The following PROM1 variants were observed in gnomAD, a reference collection of about 807,000 sequenced individuals.
PROM1 encodes the protein prominin 1.
In PROM1, 105 loss-of-function variants were observed where a neutral mutation model predicts 116.9. The ratio of observed to expected loss-of-function variants is 0.90; its 90% CI spans 0.77 to 1.06. PROM1 has a LOEUF of 1.06. PROM1 is among the 50% of genes least tolerant of loss of function. The probability of loss-of-function intolerance (pLI) is 0.00; values close to 1 mark genes in which losing one functional copy is unlikely to be tolerated. For synonymous variants in PROM1, 393 were observed against 387.0 expected (o/e 1.02, Z -0.18); for missense variants, 1,122 against 1,045.2 (o/e 1.07, Z -1.01).
At chr4:16,073,656 A>G (rs951086193) in intron 2 of PROM1, among the ~76,000 whole-genome samples, 4 of 152,108 alleles carry the variant, frequency 2.6e-5, no homozygotes, top group Non-Finnish European at 5.9e-5. Context: ...TTGAAAGTTG[A>G]GAATTTCCTT....
At chr4:16,077,356 G>A (rs1223141223) in intron 1 of PROM1, among the ~76,000 whole-genome samples, 1 of 152,158 alleles carries the variant, frequency 6.6e-6, no homozygotes, top group African/African-American at 2.4e-5. Flanking sequence ...TGTCTATGAT[G>A]CAGAAACCTT....
chr4:16,051,700 G>C (rs1358688055), intron 2 of PROM1, among the ~76,000 whole-genome samples: 1 of 152,164 alleles, frequency 6.6e-6, no homozygotes, highest in East Asian at 1.9e-4. Flanking sequence ...GCCTGGTCAG[G>C]TGGTCAAGAC....
intron 2 of PROM1, among the ~76,000 whole-genome samples, chr4:16,040,902 A>T (rs566670189): frequency 1.3e-5 from 2 of 152,170 alleles, no homozygotes; most frequent in Non-Finnish European, 2.9e-5. Context: ...CCCTTACAAA[A>T]CAAAAGCAAA....
At chr4:15,969,689 C>T (rs1713910049) in intron 27 of PROM1, among the ~76,000 whole-genome samples, 1 of 152,108 alleles carries the variant, frequency 6.6e-6, no homozygotes, top group Admixed American at 6.5e-5. Flanking sequence ...CGGGTTTAAG[C>T]CTCAGCCTCC....
At chr4:16,003,386 C>T (rs954451404) in intron 13 of PROM1, 1 of 456,632 alleles carries the variant, frequency 2.2e-6, no homozygotes, top group African/African-American at 2.0e-5. Flanking sequence ...CGGCAAAGAG[C>T]ATCATGGTCT....
intron 26 of PROM1, among the ~76,000 whole-genome samples, chr4:15,972,727 T>C (rs1714911855): frequency 6.6e-6 from 1 of 152,180 alleles, no homozygotes; most frequent in Admixed American, 6.5e-5. Flanking sequence ...CTCTGAATGA[T>C]AACTTCCTGG....
intron 12 of PROM1, among the ~76,000 whole-genome samples, chr4:16,007,697 G>T (rs1725870760): frequency 6.6e-6 from 1 of 152,198 alleles, no homozygotes; most frequent in Non-Finnish European, 1.5e-5. Context: ...GGGGGAAAAG[G>T]AAGGGAGATG....
intron 2 of PROM1, among the ~76,000 whole-genome samples, chr4:16,066,658 G>A (rs1276193615): frequency 3.3e-5 from 5 of 152,112 alleles, no homozygotes; most frequent in African/African-American, 9.7e-5. Flanking sequence ...ACACTTTCCC[G>A]CCACTTCTCT....
intron 5 of PROM1, 123 bp from the exon 6 acceptor site, chr4:16,025,435 C>A: frequency 8.3e-7 from 1 of 1,198,796 alleles, no homozygotes. Context: ...TTTCCTCTCC[C>A]GCTGCCCTCT....
At position 16,053,863 on chromosome 4, in the gene PROM1, T is replaced by C. The variant is rs117918546; in HGVS notation, c.221-14862A>G. 8.2e-3 allele frequency among the ~76,000 whole-genome samples: 1,256 copies of C among 152,258 alleles called. 34 individuals carry two copies. The highest frequency in any genetic ancestry group is 0.051 in the East Asian group (262 of 5,164). On this transcript the variant is annotated intron_variant, in intron 2 of 27. Transcript: ENST00000447510. ...TAATCCCAGCACTCTGGGAGGCCAA[T>C]GCTGGTAGATCACTTGAGGTCAGGA...
intron 2 of PROM1, among the ~76,000 whole-genome samples, chr4:16,039,692 C>T (rs977547371): frequency 7.4e-5 from 11 of 149,552 alleles, no homozygotes; most frequent in Non-Finnish European, 1.2e-4. Context: ...GAGCCGAAAT[C>T]GCGCCACTGC....
chr4:15,976,885 G>C (rs904658886), intron 26 of PROM1, among the ~76,000 whole-genome samples: 1 of 152,170 alleles, frequency 6.6e-6, no homozygotes, highest in Admixed American at 6.5e-5. Flanking sequence ...AGCTGTCAGA[G>C]CCTACCACTC....
At chr4:16,082,361 C>A (rs1175226866) in intron 1 of PROM1, among the ~76,000 whole-genome samples, 1 of 152,112 alleles carries the variant, frequency 6.6e-6, no homozygotes, top group Non-Finnish European at 1.5e-5. Flanking sequence ...TCGGGGGGCA[C>A]TCAAGAACTA....
chr4:16,068,901 A>T (rs1390195789), intron 2 of PROM1, among the ~76,000 whole-genome samples: 1 of 152,092 alleles, frequency 6.6e-6, no homozygotes, highest in Non-Finnish European at 1.5e-5. Flanking sequence ...CACCTAAAAT[A>T]TTTTTACAAA....
chr4:15,971,146 T>A (rs1714446627), intron 26 of PROM1, 64 bp from the exon 27 acceptor site: 2 of 1,393,698 alleles, frequency 1.4e-6, no homozygotes, highest in African/African-American at 2.9e-5. Context: ...TTTCATCACC[T>A]CTGTGCTAAG....
chr4:15,976,193 A>C (rs773937969), intron 26 of PROM1: 2 of 455,734 alleles, frequency 4.4e-6, no homozygotes, highest in Middle Eastern at 3.3e-4. Flanking sequence ...TCGAATTTCA[A>C]CACTAAAAGC....
intron 8 of PROM1, among the ~76,000 whole-genome samples, chr4:16,020,071 T>C (rs970040878): frequency 1.3e-5 from 2 of 152,172 alleles, no homozygotes; most frequent in African/African-American, 4.8e-5. Flanking sequence ...AAGAGTCTGA[T>C]TCCAGGTTGT....
At chr4:16,010,901 G>T (rs555791782) in intron 11 of PROM1, among the ~76,000 whole-genome samples, 5 of 152,184 alleles carry the variant, frequency 3.3e-5, no homozygotes, top group Non-Finnish European at 7.3e-5. Flanking sequence ...GGTGTGACTC[G>T]TTAAGAAAGG....
rs376134203 is a variant in PROM1, at chr4:15,980,524, A to T, written c.2387T>A (p.Phe796Tyr). 6.5e-7 allele frequency: 1 copy of T among 1,535,080 alleles called. No homozygotes were observed. The highest frequency in any genetic ancestry group is 1.5e-5 in the African/African-American group (1 of 68,874). Residue 796 changes from phenylalanine (F) to tyrosine (Y), a missense_variant, in exon 24 of 28, where the codon TTT (phenylalanine) becomes TAT (tyrosine). Phe to Tyr is a conservative substitution (Grantham distance 22, BLOSUM62 3). Transcript: ENST00000447510. ...YIIDPLNLFW[F>Y]GIGKATVFLL... ...AAATACAGTAGCTTTTCCTATGCCA[A>T]ACCAAAACAAATTCTAGGAAAAAAA...
Sources: gnomAD v4.1 joint callset for allele counts (sites outside exome capture counted in the v4.1 genomes callset) on GRCh38, gnomAD v4.1.1 for gene constraint, MANE v1.5 for transcripts, NCBI Gene and HGNC (gene_info 2026-07-23, HGNC 2026-07-21) for gene names.